Variants in PPP3CA observed in about 807,000 individuals in gnomAD.
The protein encoded by PPP3CA is protein phosphatase 3 catalytic subunit alpha.
PPP3CA carries 14 observed loss-of-function variants against 66.5 expected under a neutral mutation model. That is an observed-to-expected ratio of 0.21 (90% CI 0.14 to 0.33). The LOEUF (loss-of-function observed/expected upper bound fraction) is 0.33, where lower values mean the gene tolerates loss of function less well. Ranked by LOEUF, PPP3CA falls within the 10% of genes least tolerant of loss-of-function variation. PPP3CA has a pLI of 1.00. For missense variants in PPP3CA, 317 were observed against 639.5 expected (o/e 0.50, Z 5.44); for synonymous variants, 232 against 226.2 (o/e 1.03, Z -0.23).
At chr4:101,044,049 C>A (rs1206734583) in intron 10 of PPP3CA, among the ~76,000 whole-genome samples, 1 of 152,102 alleles carries the variant, frequency 6.6e-6, no homozygotes, top group Non-Finnish European at 1.5e-5. Context: ...TCCATATAAT[C>A]AAAATCAAAA....
intron 1 of PPP3CA, among the ~76,000 whole-genome samples, chr4:101,204,851 T>A (rs1173023851): frequency 6.6e-6 from 1 of 151,490 alleles, no homozygotes; most frequent in Non-Finnish European, 1.5e-5. Flanking sequence ...TTAAAAAATT[T>A]AAATATATAA....
intron 1 of PPP3CA, among the ~76,000 whole-genome samples, chr4:101,197,906 A>G (rs6836390): frequency 0.061 from 9,355 of 152,176 alleles, 930 homozygotes; most frequent in African/African-American, 0.2. Context: ...AAACTACATT[A>G]CTTCCCAGAA....
intron 1 of PPP3CA, among the ~76,000 whole-genome samples, chr4:101,338,222 T>C (rs1729697998): frequency 1.3e-5 from 2 of 152,184 alleles, no homozygotes; most frequent in South Asian, 4.1e-4. Context: ...GGAAGGCCAC[T>C]TCTGCCAGTT....
Position 101,346,851 on chromosome 4 carries a change from G to T in PPP3CA, c.-55C>A. 1 of 1,579,760 alleles carries T rather than the reference G, an allele frequency of 6.3e-7. No individual in the cohort carries two copies. Among genetic ancestry groups the T allele is most frequent in the Non-Finnish European group, 8.6e-7 (1 of 1,163,828 alleles). On this transcript the variant is annotated 5_prime_UTR_variant, in exon 1 of 14. Coordinates refer to ENST00000394854, the MANE Select transcript of PPP3CA (RefSeq NM_000944.5). ...GCTCGTCCGTCCGACTGCACACCCC[G>T]ACCGGACCGGCGGGCCAGACACTCA...
chr4:101,293,177 GA>G (rs1248885030), intron 1 of PPP3CA, among the ~76,000 whole-genome samples: 1 of 152,160 alleles, frequency 6.6e-6, no homozygotes, highest in Non-Finnish European at 1.5e-5. Flanking sequence ...GCAGGAAAGG[GA>G]AAGCAGCATG....
At position 101,219,875 on chromosome 4, in the gene PPP3CA, T is replaced by C. The variant is rs78765402; in HGVS notation, c.59-23759A>G. On this transcript the variant is annotated intron_variant, in intron 1 of 13. Coordinates refer to ENST00000394854, the MANE Select transcript of PPP3CA (RefSeq NM_000944.5). Reference sequence around the variant, plus strand: ...TTCCTTCAATAATGAGATACACAAATGCATAGCTTTATAGTATTAAGAATG... The same window carrying C: ...TTCCTTCAATAATGAGATACACAAACGCATAGCTTTATAGTATTAAGAATG... Among the ~76,000 whole-genome samples the C allele has an allele frequency of 3.2e-3, 490 of 151,950 alleles. 4 individuals carry two copies. Among genetic ancestry groups the C allele is most frequent in the Middle Eastern group, 0.02 (6 of 294 alleles).
intron 1 of PPP3CA, among the ~76,000 whole-genome samples, chr4:101,314,407 CA>C (rs1728822165): frequency 2.6e-5 from 4 of 151,228 alleles, no homozygotes; most frequent in South Asian, 4.2e-4. Flanking sequence ...TACTAAAATA[CA>C]AAAAAATTAG....
intron 2 of PPP3CA, among the ~76,000 whole-genome samples, chr4:101,183,950 G>C (rs1306787674): frequency 2.0e-5 from 3 of 152,120 alleles, no homozygotes; most frequent in African/African-American, 7.2e-5. Context: ...TAGTTACAGA[G>C]GCTTTCTAAC....
At chr4:101,278,122 T>TAAAAAAAAAAAAAAAAAAAAAAAAAAAA (rs3077992) in intron 1 of PPP3CA, among the ~76,000 whole-genome samples, 17 of 112,152 alleles carry the variant, frequency 1.5e-4, no homozygotes, top group African/African-American at 6.2e-4. Context: ...AAGCTATTAG[T>TAAAAAAAAAAAAAAAAAAAAAAAAAAAA]AAAAAAAAAA....
intron 1 of PPP3CA, among the ~76,000 whole-genome samples, chr4:101,274,058 C>A (rs1449257826): frequency 6.6e-6 from 1 of 152,148 alleles, no homozygotes; most frequent in African/African-American, 2.4e-5. Flanking sequence ...GTAATCCCAG[C>A]ACTTTGGGAG....
Position 101,210,543 on chromosome 4 carries a change from A to G in PPP3CA, c.59-14427T>C, listed in dbSNP as rs533044561. ...CCATTACTGGCACAACACAAATTTC[A>G]TAAGTATTCCTTATGATTAACAACT... On this transcript the variant is annotated intron_variant, in intron 1 of 13. Transcript: ENST00000394854. 7.2e-5 allele frequency among the ~76,000 whole-genome samples: 11 copies of G among 152,338 alleles called. No individual in the cohort carries two copies. The South Asian group carries it at 1.9e-3, about 26-fold the overall frequency.
chr4:101,210,983 A>C (rs923690300), intron 1 of PPP3CA, among the ~76,000 whole-genome samples: 20 of 152,210 alleles, frequency 1.3e-4, no homozygotes, highest in African/African-American at 4.8e-4. Flanking sequence ...TTAAGTAAAT[A>C]TATACATATA....
intron 1 of PPP3CA, among the ~76,000 whole-genome samples, chr4:101,306,642 A>G (rs1463729166): frequency 6.6e-6 from 1 of 152,198 alleles, no homozygotes; most frequent in Non-Finnish European, 1.5e-5. Context: ...TGGGGGAAAC[A>G]AAATTCAGCA....
At chr4:101,177,115 T>C (rs1724087538) in intron 2 of PPP3CA, among the ~76,000 whole-genome samples, 2 of 152,128 alleles carry the variant, frequency 1.3e-5, no homozygotes, top group African/African-American at 4.8e-5. Context: ...GATATTGAAG[T>C]ACTCACAAAA....
At chr4:101,339,181 T>C (rs576408110) in intron 1 of PPP3CA, among the ~76,000 whole-genome samples, 4 of 152,330 alleles carry the variant, frequency 2.6e-5, no homozygotes, top group Admixed American at 6.5e-5. Context: ...AGAAGCATTA[T>C]AGGAAATGAT....
At chr4:101,026,621 G>A (rs904172817) in intron 13 of PPP3CA, among the ~76,000 whole-genome samples, 5 of 151,272 alleles carry the variant, frequency 3.3e-5, no homozygotes, top group African/African-American at 1.2e-4. Context: ...ATCCCAGAAA[G>A]AACTTCTTGA....
intron 11 of PPP3CA, among the ~76,000 whole-genome samples, chr4:101,038,523 C>G (rs1323959302): frequency 2.0e-5 from 3 of 152,042 alleles, no homozygotes; most frequent in African/African-American, 7.3e-5. Context: ...GCACGTGTCA[C>G]CATGCCCGGC....
At chr4:101,220,759 G>C (rs1168285485) in intron 1 of PPP3CA, among the ~76,000 whole-genome samples, 3 of 151,572 alleles carry the variant, frequency 2.0e-5, no homozygotes, top group Non-Finnish European at 4.4e-5. Context: ...TACACACACA[G>C]TCACACACAA....
At chr4:101,222,678 T>A (rs1217212569) in intron 1 of PPP3CA, among the ~76,000 whole-genome samples, 1 of 151,682 alleles carries the variant, frequency 6.6e-6, no homozygotes, top group East Asian at 1.9e-4. Context: ...ATGTGTTTCA[T>A]AAAAATATCA....
Sources: gnomAD v4.1 joint callset for allele counts (sites outside exome capture counted in the v4.1 genomes callset) on GRCh38, gnomAD v4.1.1 for gene constraint, MANE v1.5 for transcripts, NCBI Gene and HGNC (gene_info 2026-07-23, HGNC 2026-07-21) for gene names.